DOCK5: variants seen among roughly 807,000 people sequenced by gnomAD.
DOCK5 encodes the protein dedicator of cytokinesis 5, also known as dedicator of cytokinesis protein 5.
Under a neutral mutation model 251.8 loss-of-function variants are expected in DOCK5, and 142 were observed. The observed-to-expected ratio is 0.56, with a 90% CI of 0.49 to 0.65. The LOEUF (loss-of-function observed/expected upper bound fraction) is 0.65, where lower values mean the gene tolerates loss of function less well. DOCK5 is among the 30% of genes least tolerant of loss of function. The pLI, the probability that DOCK5 is intolerant of heterozygous loss-of-function variation, is 0.00. For synonymous variants in DOCK5, 842 were observed against 835.5 expected, an observed-to-expected ratio of 1.01 and a Z score of -0.13; for missense variants, 2,111 against 2,312.3, an observed-to-expected ratio of 0.91 and a Z score of 1.79.
chr8:25,185,128 G>A (rs574656616), intron 1 of DOCK5, among the ~76,000 whole-genome samples, 177 bp downstream of exon 1: 1 of 152,158 alleles, frequency 6.6e-6, no homozygotes, highest in East Asian at 1.9e-4. Flanking sequence ...CGATGGGGAA[G>A]TCGCCCAGGG....
chr8:25,355,040 T>C (rs1465625502), intron 27 of DOCK5, among the ~76,000 whole-genome samples: 2 of 151,988 alleles, frequency 1.3e-5, no homozygotes, highest in Non-Finnish European at 2.9e-5. Context: ...TTGAGACTAG[T>C]GTGGGCAACA....
At chr8:25,216,100 CTA>C (rs1165136843) in intron 1 of DOCK5, among the ~76,000 whole-genome samples, 3 of 151,360 alleles carry the variant, frequency 2.0e-5, no homozygotes, top group Non-Finnish European at 2.9e-5. Context: ...TACACAATGT[CTA>C]TATGTGTATA....
chr8:25,295,462 G>T (rs73673884), intron 6 of DOCK5, among the ~76,000 whole-genome samples: 8,993 of 152,122 alleles, frequency 0.059, 889 homozygotes, highest in African/African-American at 0.2. Flanking sequence ...AACCAAAGTT[G>T]TGCAGAATTA....
At position 25,412,075 on chromosome 8, in the gene DOCK5, C is replaced by T. The variant is rs561114521; in HGVS notation, c.*777C>T. The T allele has an allele frequency of 7.6e-5, 9 of 118,300 alleles. No homozygotes were observed. Among genetic ancestry groups the T allele is most frequent in the South Asian group, 3.0e-4 (1 of 3,364 alleles). 7.3% of individuals were successfully genotyped at this position (118,300 alleles called of 1,614,324 possible). A position where few individuals can be genotyped will look rare whatever the true frequency, so the allele number is the denominator to read the frequency against. On this transcript the variant is annotated 3_prime_UTR_variant, in exon 52 of 52. Transcript: ENST00000276440. The stretch of plus-strand genomic sequence containing the variant: ...TTTGAAGCTCTTCCTTTTGCACATA[C>T]GGCTTTTTTTTTTTTTTTTTTTTTT...
chr8:25,409,089 C>T, intron 50 of DOCK5, 149 bp downstream of exon 50: 2 of 1,244,038 alleles, frequency 1.6e-6, no homozygotes, highest in South Asian at 2.9e-5. Context: ...TACAGTTAGA[C>T]TGGAGTTTGG....
At chr8:25,406,555 A>G (rs959499962) in intron 48 of DOCK5, among the ~76,000 whole-genome samples, 10 of 152,102 alleles carry the variant, frequency 6.6e-5, no homozygotes, top group African/African-American at 2.2e-4. Context: ...CAATTATAGC[A>G]TATAGTTTGG....
chr8:25,267,881 G>C (rs1029763883), intron 2 of DOCK5, among the ~76,000 whole-genome samples: 1 of 149,632 alleles, frequency 6.7e-6, no homozygotes, highest in African/African-American at 2.5e-5. Flanking sequence ...TTTTTTTTTG[G>C]AAACGGAGTC....
At chr8:25,320,477 T>G (rs1294759495) in intron 15 of DOCK5, among the ~76,000 whole-genome samples, 3 of 152,190 alleles carry the variant, frequency 2.0e-5, no homozygotes, top group African/African-American at 7.2e-5. Flanking sequence ...CAAAGTATAA[T>G]CATGCCATGA....
chr8:25,328,122 G>C (rs1365934491), intron 18 of DOCK5, among the ~76,000 whole-genome samples: 2 of 151,862 alleles, frequency 1.3e-5, no homozygotes, highest in Admixed American at 1.3e-4. Flanking sequence ...TTGGGCAGAC[G>C]GATATACATT....
At chr8:25,237,125 G>A (rs919386931) in intron 1 of DOCK5, among the ~76,000 whole-genome samples, 1 of 152,148 alleles carries the variant, frequency 6.6e-6, no homozygotes, top group Admixed American at 6.5e-5. Flanking sequence ...TGAGCACTTT[G>A]GGAGGCCAAG....
At chr8:25,310,017 T>C (rs1805046210) in intron 12 of DOCK5, among the ~76,000 whole-genome samples, 2 of 151,738 alleles carry the variant, frequency 1.3e-5, no homozygotes, top group African/African-American at 4.9e-5. Flanking sequence ...CATGTAATTA[T>C]TGGATTTTTT....
intron 1 of DOCK5, among the ~76,000 whole-genome samples, chr8:25,199,649 T>C (rs1023034375): frequency 5.3e-5 from 8 of 152,164 alleles, no homozygotes; most frequent in Admixed American, 1.3e-4. Flanking sequence ...TCCCAAAGTG[T>C]TGGGATTACA....
chr8:25,374,553 C>T lies in DOCK5; in HGVS notation c.3726-11C>T. 1.3e-6 allele frequency: 2 copies of T among 1,594,804 alleles called. No individual in the cohort carries two copies. The highest frequency in any genetic ancestry group is 1.7e-6 in the Non-Finnish European group (2 of 1,173,656). On this transcript the variant is annotated splice_polypyrimidine_tract_variant and intron_variant, in intron 36 of 51. Coordinates refer to ENST00000276440, the MANE Select transcript of DOCK5 (RefSeq NM_024940.8). Reference sequence around the variant, plus strand: ...GAGTGACAAAATGCTTCCTTCTCCCCTTCTTGCCAGATATCTGTACAAGCT... The same window carrying T: ...GAGTGACAAAATGCTTCCTTCTCCCTTTCTTGCCAGATATCTGTACAAGCT...
chr8:25,186,386 C>T lies in DOCK5; in HGVS notation c.43+1435C>T, dbSNP rs181393557. Among the ~76,000 whole-genome samples, 239 of 139,612 alleles carry T rather than the reference C, an allele frequency of 1.7e-3. 1 individual carries two copies. The highest frequency in any genetic ancestry group is 2.9e-3 in the Non-Finnish European group (191 of 66,026). The allele number at this position is 139,612 out of a possible 152,430, so 91.6% of individuals were successfully genotyped here. A position where few individuals can be genotyped will look rare whatever the true frequency, so the allele number is the denominator to read the frequency against. ...TTTTTTGGTTTGTTTGTTTTTGAGA[C>T]GGACTGACGAGGGAGTCTCACTCTG... On this transcript the variant is annotated intron_variant, in intron 1 of 51. Transcript: ENST00000276440.
rs976350164 is a variant in DOCK5 at position 25,271,469 on chromosome 8, CGCTCT to C, written c.168+2585_168+2589del. Among the ~76,000 whole-genome samples the C allele has an allele frequency of 3.8e-4, 58 of 152,276 alleles. 1 individual carries two copies. The highest frequency in any genetic ancestry group is 1.3e-3 in the African/African-American group (54 of 41,566). The stretch of plus-strand genomic sequence containing the variant: ...CATTAAGAGATCAGCTCATTAGAAA[CGCTCT>C]CCTGTGCTGTGTCCCTCATTTCTCC... On this transcript the variant is annotated intron_variant, in intron 3 of 51. Coordinates refer to ENST00000276440, the MANE Select transcript of DOCK5 (RefSeq NM_024940.8).
chr8:25,311,041 T>C (rs1805078934), intron 13 of DOCK5, among the ~76,000 whole-genome samples: 1 of 152,182 alleles, frequency 6.6e-6, no homozygotes, highest in South Asian at 2.1e-4. Context: ...CCAAAAGCGC[T>C]CTGGCTCTCC....
intron 40 of DOCK5, 106 bp downstream of exon 40, chr8:25,382,884 G>T: frequency 2.2e-6 from 2 of 906,982 alleles, no homozygotes; most frequent in Admixed American, 2.8e-5. Flanking sequence ...CCGTGTTCTC[G>T]CTGTGGGAGG....
rs139069483 is a variant in DOCK5 at position 25,262,773 on chromosome 8, A to G, written c.128-6072A>G. Among the ~76,000 whole-genome samples the G allele has an allele frequency of 4.1e-3, 630 of 152,004 alleles. 1 individual carries two copies. Among genetic ancestry groups the G allele is most frequent in the African/African-American group, 0.014 (599 of 41,460 alleles). On this transcript the variant is annotated intron_variant, in intron 2 of 51. Coordinates refer to ENST00000276440, the MANE Select transcript of DOCK5 (RefSeq NM_024940.8). The stretch of plus-strand genomic sequence containing the variant: ...TTTCACTCTTCTGTACACCCCACCA[A>G]CGATGCAGATACCCATTAATCCCTC...
At chr8:25,345,369 AG>A (rs1489040754) in intron 25 of DOCK5, 105 bp from the exon 26 acceptor site, 2 of 1,501,220 alleles carry the variant, frequency 1.3e-6, no homozygotes, top group Admixed American at 3.7e-5. Context: ...GGCTGATTGC[AG>A]AGCTTAGAGC....
Sources: gnomAD v4.1 joint callset for allele counts (sites outside exome capture counted in the v4.1 genomes callset) on GRCh38, gnomAD v4.1.1 for gene constraint, MANE v1.5 for transcripts, NCBI Gene and HGNC (gene_info 2026-07-23, HGNC 2026-07-21) for gene names.